CNST: variants seen among roughly 807,000 people sequenced by gnomAD.
CNST encodes the protein consortin, connexin sorting protein.
CNST carries 39 observed loss-of-function variants against 72.4 expected under a neutral mutation model. The observed-to-expected ratio is 0.54, with a 90% CI of 0.42 to 0.70. CNST has a LOEUF of 0.70. CNST is among the 30% of genes least tolerant of loss of function. The pLI, the probability that CNST is intolerant of heterozygous loss-of-function variation, is 0.00. For synonymous variants in CNST, 332 were observed against 320.1 expected (o/e 1.04, Z -0.40); for missense variants, 871 against 868.5 (o/e 1.00, Z -0.04).
chr1:246,587,212 C>T (rs1025475106), intron 1 of CNST, among the ~76,000 whole-genome samples: 3 of 152,054 alleles, frequency 2.0e-5, no homozygotes, highest in East Asian at 3.8e-4. Flanking sequence ...AAGCTTCTCA[C>T]CTCAGCCTCT....
intron 1 of CNST, among the ~76,000 whole-genome samples, chr1:246,578,055 T>A: frequency 6.6e-6 from 1 of 152,028 alleles, no homozygotes; most frequent in East Asian, 1.9e-4. Context: ...GGGTAAAAGG[T>A]AGTGAGAGAC....
chr1:246,584,591 A>G (rs1164345879), intron 1 of CNST, among the ~76,000 whole-genome samples: 1 of 152,150 alleles, frequency 6.6e-6, no homozygotes, highest in East Asian at 1.9e-4. Flanking sequence ...CAGATTGTGG[A>G]TGATCTGCAT....
At chr1:246,642,151 T>TTTTTTTTTTTTTTTTTTTTC (rs1665758928) in intron 8 of CNST, 114 bp downstream of exon 8, 1 of 597,022 alleles carries the variant, frequency 1.7e-6, no homozygotes, top group African/African-American at 2.1e-5. Flanking sequence ...TTTTTTTTTT[T>TTTTTTTTTTTTTTTTTTTTC]TTTGCACTTA....
At chr1:246,592,941 T>G (rs1200873310) in intron 2 of CNST, among the ~76,000 whole-genome samples, 1 of 152,164 alleles carries the variant, frequency 6.6e-6, no homozygotes, top group African/African-American at 2.4e-5. Flanking sequence ...ATCAGAAACA[T>G]ATGGGACTAG....
At chr1:246,605,420 A>T (rs1418360354) in intron 2 of CNST, among the ~76,000 whole-genome samples, 3 of 152,180 alleles carry the variant, frequency 2.0e-5, no homozygotes, top group Non-Finnish European at 1.5e-5. Context: ...GCAAGGCTCT[A>T]ATATCAGTTG....
Position 246,645,053 on chromosome 1 carries a change from C to T in CNST, c.938-2086C>T, listed in dbSNP as rs115541209. Among the ~76,000 whole-genome samples, 390 of 152,290 alleles carry T rather than the reference C, an allele frequency of 2.6e-3. 2 individuals carry two copies. Among genetic ancestry groups the T allele is most frequent in the African/African-American group, 8.7e-3 (361 of 41,566 alleles). On this transcript the variant is annotated intron_variant, in intron 8 of 10. Transcript: ENST00000366513. The stretch of plus-strand genomic sequence containing the variant: ...GGCTGTATTCTCCCAAAGGTGACCC[C>T]TTCTTCCTTCTCCTGATCTGCATCT...
chr1:246,622,745 CT>C (rs36111906), intron 3 of CNST, among the ~76,000 whole-genome samples: 43,362 of 150,046 alleles, frequency 0.29, 7,020 homozygotes, highest in East Asian at 0.67. Flanking sequence ...GGTGAGGAAA[CT>C]TTTTTTTTTA....
chr1:246,603,545 A>G (rs960093070), intron 2 of CNST, among the ~76,000 whole-genome samples: 2 of 152,352 alleles, frequency 1.3e-5, no homozygotes, highest in South Asian at 4.1e-4. Flanking sequence ...CTTAGTTTGT[A>G]AAAGGCACAC....
At chr1:246,579,417 G>T (rs1375331940) in intron 1 of CNST, among the ~76,000 whole-genome samples, 1 of 152,204 alleles carries the variant, frequency 6.6e-6, no homozygotes, top group South Asian at 2.1e-4. Context: ...GACAACAAAT[G>T]TGATTATTGA....
At chr1:246,608,354 G>T (rs1028966992) in intron 2 of CNST, among the ~76,000 whole-genome samples, 11 of 152,042 alleles carry the variant, frequency 7.2e-5, no homozygotes, top group African/African-American at 2.7e-4. Context: ...TTTTAAAAAA[G>T]AAGAGGTTTA....
chr1:246,569,153 C>G (rs1659904440), intron 1 of CNST, among the ~76,000 whole-genome samples: 1 of 151,964 alleles, frequency 6.6e-6, no homozygotes, highest in Non-Finnish European at 1.5e-5. Context: ...CAATGCAAGC[C>G]ATATAAGTAA....
intron 9 of CNST, among the ~76,000 whole-genome samples, chr1:246,648,842 A>G (rs1327697109): frequency 5.3e-5 from 8 of 152,030 alleles, no homozygotes; most frequent in Admixed American, 4.6e-4. Context: ...TCCCATTTGT[A>G]CTCATTGTGT....
rs575014146 is a variant in CNST, at chr1:246,667,132, A to C, written c.*1227A>C. 18 of 152,196 alleles carry C rather than the reference A, an allele frequency of 1.2e-4. No homozygotes were observed. The highest frequency in any genetic ancestry group is 2.6e-4 in the African/African-American group (11 of 41,526). 9.4% of individuals were successfully genotyped at this position (152,196 alleles called of 1,614,324 possible). ...ACTTTATCGGGCAGCATTAAAAAAA[A>C]AACAACAAAGAAAAACCAAACATGA... On this transcript the variant is annotated 3_prime_UTR_variant, in exon 11 of 11. Transcript: ENST00000366513.
intron 1 of CNST, among the ~76,000 whole-genome samples, chr1:246,569,166 T>C (rs181382854): frequency 2.6e-5 from 4 of 152,230 alleles, no homozygotes; most frequent in African/African-American, 9.6e-5. Context: ...ATAAGTAATT[T>C]AAAATTTTCT....
chr1:246,627,458 TG>T (rs1664512622), intron 3 of CNST, among the ~76,000 whole-genome samples: 1 of 152,184 alleles, frequency 6.6e-6, no homozygotes, highest in African/African-American at 2.4e-5. Flanking sequence ...CACTAGGTGA[TG>T]TGCTCCAGCA....
intron 10 of CNST, among the ~76,000 whole-genome samples, chr1:246,663,033 T>C (rs765189502): frequency 2.6e-5 from 4 of 151,252 alleles, no homozygotes; most frequent in Non-Finnish European, 4.4e-5. Context: ...GAAGTGGGGG[T>C]AGGAATCATG....
chr1:246,626,270 C>T (rs897488426), intron 3 of CNST, among the ~76,000 whole-genome samples: 3 of 151,288 alleles, frequency 2.0e-5, no homozygotes. Context: ...AGGCTGGTCT[C>T]GAATTCCTGG....
intron 3 of CNST, among the ~76,000 whole-genome samples, chr1:246,628,717 C>T (rs1664599393): frequency 6.6e-6 from 1 of 152,188 alleles, no homozygotes; most frequent in African/African-American, 2.4e-5. Context: ...CTAATCACCT[C>T]CCAGATACCC....
intron 1 of CNST, among the ~76,000 whole-genome samples, chr1:246,578,088 A>C (rs1660544204): frequency 6.6e-6 from 1 of 152,052 alleles, no homozygotes; most frequent in Non-Finnish European, 1.5e-5. Flanking sequence ...GTTCAATTGA[A>C]CAAACATTAA....
Sources: allele counts gnomAD v4.1 joint callset (sites outside exome capture counted in the v4.1 genomes callset), GRCh38; gene constraint gnomAD v4.1.1; transcripts MANE v1.5; gene names NCBI Gene and HGNC (gene_info 2026-07-23, HGNC 2026-07-21).